The following DGKB variants were observed in gnomAD, a reference collection of about 807,000 sequenced individuals.
DGKB encodes the protein 90 kDa diacylglycerol kinase.
Under a neutral mutation model 114.3 loss-of-function variants are expected in DGKB, and 67 were observed. The observed-to-expected ratio is 0.59, with a 90% CI of 0.48 to 0.72. DGKB has a LOEUF of 0.72. Among genes scored for constraint, DGKB ranks in the 30% least tolerant of loss-of-function variants. The probability of loss-of-function intolerance (pLI) is 0.00; values close to 1 mark genes in which losing one functional copy is unlikely to be tolerated. For synonymous variants in DGKB, 398 were observed against 323.1 expected (o/e 1.23, Z -2.49); for missense variants, 907 against 975.2 (o/e 0.93, Z 0.93).
At chr7:14,283,184 T>C (rs2128458789) in intron 23 of DGKB, among the ~76,000 whole-genome samples, 1 of 151,880 alleles carries the variant, frequency 6.6e-6, no homozygotes, top group African/African-American at 2.4e-5. Context: ...ACAAAATCAA[T>C]GTGCAAAAAT....
chr7:14,170,155 AAGAAAG>A (rs1780720067), intron 25 of DGKB, among the ~76,000 whole-genome samples: 1 of 74,362 alleles, frequency 1.3e-5, no homozygotes, highest in Non-Finnish European at 2.4e-5. Context: ...AAAAGAAAGA[AAGAAAG>A]AAAGAAAGAA....
chr7:14,949,872 T>C (rs998844541), intron 1 of DGKB, among the ~76,000 whole-genome samples: 1 of 151,758 alleles, frequency 6.6e-6, no homozygotes. Context: ...AAACACTGCA[T>C]GTTCTCACTC....
At chr7:14,895,542 C>G (rs1358901540) in intron 1 of DGKB, among the ~76,000 whole-genome samples, 1 of 151,608 alleles carries the variant, frequency 6.6e-6, no homozygotes, top group African/African-American at 2.4e-5. Flanking sequence ...ATTACAACAG[C>G]AAATCATGGA....
At chr7:14,485,619 C>T (rs1215650261) in intron 20 of DGKB, among the ~76,000 whole-genome samples, 1 of 151,802 alleles carries the variant, frequency 6.6e-6, no homozygotes, top group Non-Finnish European at 1.5e-5. Context: ...GGACACCTGG[C>T]CGGGTGCGGT....
intron 1 of DGKB, among the ~76,000 whole-genome samples, chr7:14,921,290 G>C (rs1306220220): frequency 6.6e-6 from 1 of 152,136 alleles, no homozygotes; most frequent in Non-Finnish European, 1.5e-5. Flanking sequence ...AATTATAAGA[G>C]ATGTAGGACA....
intron 23 of DGKB, among the ~76,000 whole-genome samples, chr7:14,183,224 T>A (rs377624134): frequency 6.6e-6 from 1 of 152,194 alleles, no homozygotes; most frequent in East Asian, 1.9e-4. Context: ...AAGGAACATA[T>A]GAAATCCATT....
chr7:14,773,768 A>T (rs1175851236), intron 2 of DGKB, among the ~76,000 whole-genome samples: 1 of 152,186 alleles, frequency 6.6e-6, no homozygotes, highest in Non-Finnish European at 1.5e-5. Context: ...TCACCAGGAC[A>T]TGTAGATGGG....
chr7:14,545,414 T>C (rs1794122782), intron 20 of DGKB, among the ~76,000 whole-genome samples: 1 of 152,104 alleles, frequency 6.6e-6, no homozygotes, highest in African/African-American at 2.4e-5. Flanking sequence ...CGCAAAGAGA[T>C]TGGGACTCTT....
intron 1 of DGKB, among the ~76,000 whole-genome samples, chr7:14,899,227 T>G (rs1301889328): frequency 6.6e-6 from 1 of 152,136 alleles, no homozygotes; most frequent in Non-Finnish European, 1.5e-5. Context: ...AGAAAGTGAT[T>G]GTGCAAGAAT....
chr7:14,673,079 C>G, intron 12 of DGKB, 52 bp from the exon 13 acceptor site: 1 of 986,934 alleles, frequency 1.0e-6, no homozygotes, highest in East Asian at 2.6e-5. Flanking sequence ...CAACGCCTAA[C>G]ATGGGGGAGA....
At chr7:14,399,567 G>GA (rs1465862801) in intron 21 of DGKB, among the ~76,000 whole-genome samples, 1 of 151,506 alleles carries the variant, frequency 6.6e-6, no homozygotes, top group African/African-American at 2.4e-5. Context: ...AAGATTAAAG[G>GA]AAAAAAATGT....
rs147339355 is a variant in DGKB, at chr7:14,886,214, A to C, written c.-188+16378T>G. Among the ~76,000 whole-genome samples, 661 of 151,964 alleles carry C rather than the reference A, an allele frequency of 4.3e-3. 5 individuals are homozygous for C. Among genetic ancestry groups the C allele is most frequent in the African/African-American group, 0.015 (636 of 41,508 alleles). On this transcript the variant is annotated intron_variant, in intron 1 of 25. Coordinates refer to ENST00000402815, the MANE Select transcript of DGKB (RefSeq NM_001350709.2). The stretch of plus-strand genomic sequence containing the variant: ...AGAAAAGATTAAAAGATAGAATTTC[A>C]ATTAGCCAATATGGAAGCTGGGAGG...
In DGKB at chr7:14,338,543, A is replaced by G; in HGVS notation, c.2094T>C (p.Asp698=). ...KGSDKRTTVT[D]AKELKFASQD... The stretch of plus-strand genomic sequence containing the variant: ...GACTTGCAAACTTCAACTCTTTGGC[A>G]TCTGTGACGGTGGTCCTTTTGTCAG... Residue 698 remains aspartate (D), a synonymous_variant, in exon 23 of 26, where the codon GAT becomes GAC. Coordinates refer to ENST00000402815, the MANE Select transcript of DGKB (RefSeq NM_001350709.2). The G allele has an allele frequency of 6.3e-7, 1 of 1,583,414 alleles. No individual in the cohort carries two copies. The highest frequency in any genetic ancestry group is 8.6e-7 in the Non-Finnish European group (1 of 1,167,044).
At chr7:14,373,236 T>C (rs1817962865) in intron 21 of DGKB, among the ~76,000 whole-genome samples, 1 of 152,244 alleles carries the variant, frequency 6.6e-6, no homozygotes, top group Admixed American at 6.5e-5. Flanking sequence ...ATTTAAGTCA[T>C]TGTTATTTTG....
chr7:14,373,758 G>A (rs1287268704), intron 21 of DGKB, among the ~76,000 whole-genome samples: 2 of 152,114 alleles, frequency 1.3e-5, no homozygotes, highest in East Asian at 3.9e-4. Flanking sequence ...TCTTCCTTGA[G>A]TGGTACCATG....
intron 23 of DGKB, among the ~76,000 whole-genome samples, chr7:14,206,509 C>T (rs1308541324): frequency 6.6e-6 from 1 of 151,962 alleles, no homozygotes; most frequent in Non-Finnish European, 1.5e-5. Flanking sequence ...GGAGAAAAGG[C>T]ATATTAGGCT....
chr7:14,800,897 C>T (rs1027657813), intron 2 of DGKB, among the ~76,000 whole-genome samples: 7 of 151,940 alleles, frequency 4.6e-5, no homozygotes, highest in African/African-American at 1.2e-4. Flanking sequence ...TGAGTCACCC[C>T]GCCAGGAAAA....
intron 25 of DGKB, among the ~76,000 whole-genome samples, chr7:14,149,538 G>A (rs1256444383): frequency 6.6e-6 from 1 of 152,060 alleles, no homozygotes; most frequent in Non-Finnish European, 1.5e-5. Flanking sequence ...AGAACTGCTT[G>A]CTTAGGTTAC....
At chr7:14,184,063 T>TGGA (rs1783030615) in intron 23 of DGKB, among the ~76,000 whole-genome samples, 6 of 152,156 alleles carry the variant, frequency 3.9e-5, no homozygotes, top group Admixed American at 3.3e-4. Flanking sequence ...GTTTCCGGCT[T>TGGA]TACTTGGAGC....
Sources: gnomAD v4.1 joint callset for allele counts (sites outside exome capture counted in the v4.1 genomes callset) on GRCh38, gnomAD v4.1.1 for gene constraint, MANE v1.5 for transcripts, NCBI Gene and HGNC (gene_info 2026-07-23, HGNC 2026-07-21) for gene names.